Variants in TXNDC9 observed in about 807,000 individuals in gnomAD.
TXNDC9 encodes thioredoxin domain-containing protein 9.
TXNDC9 carries 7 observed loss-of-function variants against 23.0 expected under a neutral mutation model. The observed-to-expected ratio is 0.30, with a 90% CI of 0.17 to 0.57. TXNDC9 has a LOEUF of 0.57. Among genes scored for constraint, TXNDC9 ranks in the 20% least tolerant of loss-of-function variants. TXNDC9 has a pLI of 0.90. For missense variants in TXNDC9, 198 were observed against 252.6 expected, an observed-to-expected ratio of 0.78 and a Z score of 1.47; for synonymous variants, 72 against 90.6, an observed-to-expected ratio of 0.79 and a Z score of 1.17.
chr2:99,322,127 C>G lies in TXNDC9; in HGVS notation c.391G>C (p.Ala131Pro). 1 of 1,614,106 alleles carries G rather than the reference C, an allele frequency of 6.2e-7. No individual in the cohort carries two copies. The highest frequency in any genetic ancestry group is 1.1e-5 in the South Asian group (1 of 91,072). ...TGCAGTCTCTCACAAAGGAAAGGTG[C>G]TTTTTCCACATTCAGCTTCAAAAAT... Reference protein sequence around the residue: ...TKFLKLNVEKAPFLCERLHIK... With the variant: ...TKFLKLNVEKPPFLCERLHIK... The change falls in exon 4 of 5, where the codon GCA (alanine) becomes CCA (proline). Residue 131 changes from alanine (A) to proline (P), a missense_variant. Transcript: ENST00000264255.
chr2:99,326,269 A>G (rs533920917), intron 3 of TXNDC9, among the ~76,000 whole-genome samples: 9 of 152,312 alleles, frequency 5.9e-5, no homozygotes, highest in Admixed American at 3.9e-4. Flanking sequence ...TAGTCAATGA[A>G]TACCAGGCAA....
intron 2 of TXNDC9, 84 bp from the exon 3 acceptor site, chr2:99,327,737 C>A (rs1190850353): frequency 2.7e-6 from 2 of 731,316 alleles, no homozygotes; most frequent in South Asian, 4.7e-5. Context: ...AAATCACCAT[C>A]GTATTTTGTA....
intron 2 of TXNDC9, among the ~76,000 whole-genome samples, chr2:99,330,162 C>T (rs1417612026): frequency 2.7e-5 from 4 of 150,902 alleles, no homozygotes; most frequent in South Asian, 2.1e-4. Flanking sequence ...TGGTGGCAGG[C>T]GTCTGTAATC....
At chr2:99,316,153 T>C (rs1212227305), downstream of TXNDC9, among the ~76,000 whole-genome samples, 2 of 149,370 alleles carry the variant, frequency 1.3e-5, no homozygotes, top group Admixed American at 6.7e-5. Flanking sequence ...TTAAGAACAC[T>C]GAAAAATGAA....
At chr2:99,332,660 G>T in intron 2 of TXNDC9, 1 of 177,988 alleles carries the variant, frequency 5.6e-6, no homozygotes, top group Non-Finnish European at 1.2e-5. Flanking sequence ...TGACTTAATT[G>T]CTCTTATCTC....
At chr2:99,313,054 C>T in the TXNDC9 span, among the ~76,000 whole-genome samples, 9 of 151,676 alleles carry the variant, frequency 5.9e-5, no homozygotes, top group South Asian at 2.1e-4. Flanking sequence ...GACAGCTACT[C>T]GGGAGGCTGA....
intron 2 of TXNDC9, 23 bp from the exon 3 acceptor site, chr2:99,327,676 A>G: frequency 6.9e-7 from 1 of 1,445,222 alleles, no homozygotes; most frequent in Non-Finnish European, 9.7e-7. Flanking sequence ...GAGGCAAAAC[A>G]TTACACATGT....
rs1464283923 is a variant in TXNDC9 at position 99,331,623 on chromosome 2, A to G, written c.189+1399T>C. Among the ~76,000 whole-genome samples, 4 of 152,332 alleles carry G rather than the reference A, an allele frequency of 2.6e-5. No homozygotes were observed. In the East Asian group the frequency reaches 7.7e-4, roughly 29 times the overall value. ...ACTCTATTTTAGAAACTCAAAATAT[A>G]AAAATTTGGACTCACTTATAAAAGA... On this transcript the variant is annotated intron_variant, in intron 2 of 4. Transcript: ENST00000264255.
chr2:99,336,241 G>C lies in TXNDC9; in HGVS notation c.-35C>G, dbSNP rs1386897706. On this transcript the variant is annotated splice_region_variant and 5_prime_UTR_variant, in exon 1 of 5. Coordinates refer to ENST00000264255, the MANE Select transcript of TXNDC9 (RefSeq NM_005783.4). ...CTTCTCACTACCCTCTGCCTCACCT[G>C]AGCTCTCGGTGACGCCTGAGAAGTG... The C allele has an allele frequency of 1.0e-6, 1 of 985,348 alleles. No individual in the cohort carries two copies. The highest frequency in any genetic ancestry group is 1.2e-6 in the Non-Finnish European group (1 of 829,966). 61.0% of individuals were successfully genotyped at this position (985,348 alleles called of 1,614,324 possible). A position where few individuals can be genotyped will look rare whatever the true frequency, so the allele number is the denominator to read the frequency against.
At chr2:99,332,326 C>T (rs1286589459) in intron 2 of TXNDC9, among the ~76,000 whole-genome samples, 1 of 152,080 alleles carries the variant, frequency 6.6e-6, no homozygotes, top group Non-Finnish European at 1.5e-5. Context: ...GCCTGTAGTC[C>T]CAGCTACTCG....
chr2:99,314,529 C>CTTTTTTTTTTT (rs55729391), downstream of TXNDC9, among the ~76,000 whole-genome samples: 98 of 97,412 alleles, frequency 1.0e-3, 10 homozygotes, highest in Admixed American at 1.3e-3. Flanking sequence ...AATACTACAC[C>CTTTTTTTTTTT]TTTTTTTTTT....
chr2:99,306,596 C>T, the TXNDC9 span, among the ~76,000 whole-genome samples: 3 of 152,256 alleles, frequency 2.0e-5, no homozygotes, highest in South Asian at 6.2e-4. Context: ...TTCCTGGAAA[C>T]TTCATATGAA....
At chr2:99,315,203 C>T (rs377429310), downstream of TXNDC9, among the ~76,000 whole-genome samples, 67 of 151,954 alleles carry the variant, frequency 4.4e-4, no homozygotes, top group South Asian at 7.5e-3. Flanking sequence ...GCTGGGACTA[C>T]AGGCGCATGC....
chr2:99,308,851 AC>A, the TXNDC9 span, among the ~76,000 whole-genome samples: 1 of 151,760 alleles, frequency 6.6e-6, no homozygotes. Flanking sequence ...AGCTGGGACT[AC>A]AGGTGCTCGC....
chr2:99,327,889 A>G (rs748462823), intron 2 of TXNDC9, among the ~76,000 whole-genome samples: 21 of 151,576 alleles, frequency 1.4e-4, no homozygotes, highest in Middle Eastern at 3.2e-3. Flanking sequence ...GGTTCAAGCA[A>G]TTCTCCTGCT....
At chr2:99,323,061 T>C (rs1029411373) in intron 3 of TXNDC9, among the ~76,000 whole-genome samples, 9 of 151,738 alleles carry the variant, frequency 5.9e-5, no homozygotes, top group Non-Finnish European at 1.3e-4. Flanking sequence ...GCACCCAGCC[T>C]ACCAGTAGTA....
At chr2:99,319,823 T>C in intron 4 of TXNDC9, 24 bp from the exon 5 acceptor site, 3 of 1,352,902 alleles carry the variant, frequency 2.2e-6, no homozygotes, top group Non-Finnish European at 3.1e-6. Context: ...AAAAGCATTT[T>C]ATTCTTTATG....
downstream of TXNDC9, among the ~76,000 whole-genome samples, chr2:99,317,627 T>G (rs2094192063): frequency 6.6e-6 from 1 of 152,170 alleles, no homozygotes; most frequent in African/African-American, 2.4e-5. Flanking sequence ...ACTAATTTAC[T>G]AGCTAACCAC....
chr2:99,330,290 C>CAAAAAAA (rs528602849), intron 2 of TXNDC9, among the ~76,000 whole-genome samples: 1,006 of 28,158 alleles, frequency 0.036, 347 homozygotes, highest in Non-Finnish European at 0.039. Flanking sequence ...ACTCTTATCT[C>CAAAAAAA]AAAAAAAAAA....
Sources: allele counts gnomAD v4.1 joint callset (sites outside exome capture counted in the v4.1 genomes callset), GRCh38; gene constraint gnomAD v4.1.1; transcripts MANE v1.5; gene names NCBI Gene and HGNC (gene_info 2026-07-23, HGNC 2026-07-21).